Variants in LCORL observed in about 807,000 individuals in gnomAD.
LCORL encodes ligand-dependent nuclear receptor corepressor-like protein.
A neutral mutation model predicts 141.8 loss-of-function variants in LCORL; 41 were observed. The ratio of observed to expected loss-of-function variants is 0.29; its 90% CI spans 0.23 to 0.38. The LOEUF (loss-of-function observed/expected upper bound fraction) is 0.38. LCORL is among the 10% of genes least tolerant of loss of function. LCORL has a pLI of 1.00. For synonymous variants in LCORL, 618 were observed against 694.1 expected (o/e 0.89, Z 1.72); for missense variants, 1,759 against 2,035.0 (o/e 0.86, Z 2.61).
At chr4:17,881,968 T>C in intron 6 of LCORL, 2 of 981,114 alleles carry the variant, frequency 2.0e-6, no homozygotes, top group African/African-American at 3.5e-5. Context: ...ATTATGTATA[T>C]TTTCTTGGGG....
At chr4:17,966,376 A>G (rs1471900608) in intron 2 of LCORL, among the ~76,000 whole-genome samples, 1 of 152,184 alleles carries the variant, frequency 6.6e-6, no homozygotes, top group Non-Finnish European at 1.5e-5. Context: ...AATATTATGA[A>G]CATCATGCTC....
chr4:17,887,695 A>C (rs1728482151), intron 5 of LCORL, among the ~76,000 whole-genome samples: 1 of 152,202 alleles, frequency 6.6e-6, no homozygotes, highest in African/African-American at 2.4e-5. Flanking sequence ...TGACAGAGAC[A>C]GGAAGCCACT....
chr4:18,005,920 G>C (rs1172782296), intron 1 of LCORL, among the ~76,000 whole-genome samples: 3 of 152,202 alleles, frequency 2.0e-5, no homozygotes, highest in African/African-American at 7.2e-5. Context: ...CCACAGTCTT[G>C]GGGATTAACA....
At chr4:17,927,533 T>A (rs1428363139) in intron 4 of LCORL, among the ~76,000 whole-genome samples, 1 of 152,226 alleles carries the variant, frequency 6.6e-6, no homozygotes, top group Non-Finnish European at 1.5e-5. Flanking sequence ...CTCACTAAGC[T>A]TAGTCATTTA....
At chr4:17,891,997 T>A (rs1325709166) in intron 5 of LCORL, among the ~76,000 whole-genome samples, 1 of 152,120 alleles carries the variant, frequency 6.6e-6, no homozygotes, top group Non-Finnish European at 1.5e-5. Context: ...ATCAACAAAG[T>A]GTAAAAGCAT....
At chr4:17,961,783 A>G in intron 4 of LCORL, 120 bp downstream of exon 4, 1 of 693,810 alleles carries the variant, frequency 1.4e-6, no homozygotes, top group Non-Finnish European at 2.3e-6. Flanking sequence ...AAAATTAAGA[A>G]TAAAGAAACA....
At chr4:18,017,011 G>C (rs181119230) in intron 1 of LCORL, among the ~76,000 whole-genome samples, 2 of 152,222 alleles carry the variant, frequency 1.3e-5, no homozygotes, top group Non-Finnish European at 2.9e-5. Flanking sequence ...TGGAAAAGGA[G>C]CTCATGCCAC....
intron 4 of LCORL, among the ~76,000 whole-genome samples, chr4:17,919,474 T>C (rs1312300464): frequency 1.3e-5 from 2 of 152,168 alleles, no homozygotes; most frequent in African/African-American, 2.4e-5. Context: ...ATACACATAT[T>C]AGATATTGCA....
At chr4:17,882,399 T>C in intron 6 of LCORL, 1 of 984,510 alleles carries the variant, frequency 1.0e-6, no homozygotes, top group Non-Finnish European at 1.2e-6. Context: ...ATTTTACCAC[T>C]ACAGTTGCAT....
intron 7 of LCORL, among the ~76,000 whole-genome samples, chr4:17,862,323 C>A (rs1257551341): frequency 1.3e-5 from 2 of 152,170 alleles, no homozygotes; most frequent in East Asian, 3.8e-4. Flanking sequence ...GAAAACTTCC[C>A]CTTATAATAA....
At chr4:17,896,047 A>T (rs1560304640) in intron 5 of LCORL, among the ~76,000 whole-genome samples, 1 of 152,156 alleles carries the variant, frequency 6.6e-6, no homozygotes, top group African/African-American at 2.4e-5. Flanking sequence ...GATTCTCTTG[A>T]GTAGGTTCCT....
chr4:17,934,013 T>C lies in LCORL; in HGVS notation c.431-24668A>G, dbSNP rs146156110. ...AGAAATGGTACCTTGCCAAGACTGC[T>C]ACCTCTGGTCCTATGATTTTAAGAC... On this transcript the variant is annotated intron_variant, in intron 4 of 7. Transcript: ENST00000635767. 2.6e-3 allele frequency among the ~76,000 whole-genome samples: 398 copies of C among 152,216 alleles called. 3 individuals carry two copies. The highest frequency in any genetic ancestry group is 8.9e-3 in the African/African-American group (372 of 41,576).
intron 7 of LCORL, among the ~76,000 whole-genome samples, chr4:17,850,655 T>C (rs1305050033): frequency 2.0e-5 from 3 of 151,054 alleles, no homozygotes; most frequent in Non-Finnish European, 3.0e-5. Flanking sequence ...TGTGGAGAAA[T>C]AGGAACACTT....
At chr4:17,883,539 A>AC (rs1727858115) in intron 6 of LCORL, 1 of 1,331,124 alleles carries the variant, frequency 7.5e-7, no homozygotes, top group Admixed American at 3.5e-5. Flanking sequence ...CCTGAATAAA[A>AC]CTTTTTTTCA....
At chr4:18,007,475 C>T (rs1031299500) in intron 1 of LCORL, among the ~76,000 whole-genome samples, 3 of 152,126 alleles carry the variant, frequency 2.0e-5, no homozygotes, top group Non-Finnish European at 2.9e-5. Flanking sequence ...CTTTATGCTA[C>T]AAATTTAATA....
chr4:17,873,456 G>A, exon 7 of LCORL: 1 of 1,225,546 alleles, frequency 8.2e-7, no homozygotes, highest in Non-Finnish European at 1.0e-6. Flanking sequence ...TCTTTTTGTT[G>A]ACATTTCTGT....
intron 4 of LCORL, among the ~76,000 whole-genome samples, chr4:17,928,084 G>C (rs987803208): frequency 2.0e-5 from 3 of 152,180 alleles, no homozygotes; most frequent in African/African-American, 7.2e-5. Flanking sequence ...TTTATGTCAA[G>C]AATTCCAGGT....
chr4:17,989,081 C>A (rs1560448865), intron 1 of LCORL, among the ~76,000 whole-genome samples: 1 of 152,198 alleles, frequency 6.6e-6, no homozygotes, highest in Non-Finnish European at 1.5e-5. Flanking sequence ...AAACTATCCA[C>A]CAGCTTTAAT....
chr4:17,936,211 T>A (rs993256235), intron 4 of LCORL, among the ~76,000 whole-genome samples: 3 of 152,138 alleles, frequency 2.0e-5, no homozygotes, highest in African/African-American at 7.2e-5. Flanking sequence ...GAAATTTGTT[T>A]GACCTACAGT....
Sources: allele counts gnomAD v4.1 joint callset (sites outside exome capture counted in the v4.1 genomes callset), GRCh38; gene constraint gnomAD v4.1.1; transcripts MANE v1.5; gene names NCBI Gene and HGNC (gene_info 2026-07-23, HGNC 2026-07-21).